EIF3L: variants seen among roughly 807,000 people sequenced by gnomAD.
EIF3L encodes the protein eukaryotic translation initiation factor 3 subunit L, also known as eIEF associated protein HSPC021.
EIF3L carries 32 observed loss-of-function variants against 74.6 expected under a neutral mutation model. The observed-to-expected ratio is 0.43, with a 90% CI of 0.32 to 0.58. EIF3L has a LOEUF of 0.58. EIF3L is among the 20% of genes least tolerant of loss of function. The pLI is 0.06. For missense variants in EIF3L, 474 were observed against 707.8 expected (o/e 0.67, Z 3.75); for synonymous variants, 256 against 254.4 (o/e 1.01, Z -0.06).
chr22:37,855,680 G>A lies in EIF3L; in HGVS notation c.373+36G>A, dbSNP rs138730483. On this transcript the variant is annotated intron_variant, in intron 4 of 12. Transcript: ENST00000652021. Reference sequence around the variant, plus strand: ...GCTCTTTATATCTTGTGCACTGAGTGGAATCCAGTGGCTGAGTCATTAGAC... The same window carrying A: ...GCTCTTTATATCTTGTGCACTGAGTAGAATCCAGTGGCTGAGTCATTAGAC... 8.2e-4 allele frequency: 1,259 copies of A among 1,527,492 alleles called. 6 individuals carry two copies. In the African/African-American group the frequency reaches 0.015, roughly 19 times the overall value. The allele number at this position is 1,527,492 out of a possible 1,614,324, so 94.6% of individuals were successfully genotyped here. A position where few individuals can be genotyped will look rare whatever the true frequency, so the allele number is the denominator to read the frequency against.
intron 2 of EIF3L, chr22:37,850,557 TTG>T (rs1925142483): frequency 4.9e-6 from 1 of 203,226 alleles, no homozygotes; most frequent in Non-Finnish European, 1.1e-5. Context: ...CAGGCTGGTC[TTG>T]AACTCCTGAC....
At chr22:37,862,762 T>A (rs1398399775) in intron 5 of EIF3L, among the ~76,000 whole-genome samples, 1 of 152,222 alleles carries the variant, frequency 6.6e-6, no homozygotes, top group Non-Finnish European at 1.5e-5. Flanking sequence ...GGTCTGTTGC[T>A]GTAGAACCTA....
At chr22:37,870,547 C>T (rs556388080) in intron 8 of EIF3L, among the ~76,000 whole-genome samples, 200 bp downstream of exon 8, 2 of 152,222 alleles carry the variant, frequency 1.3e-5, no homozygotes, top group South Asian at 4.1e-4. Context: ...GTCCATTGGC[C>T]AACAGACTGA....
Position 37,863,308 on chromosome 22 carries a change from A to G in EIF3L, c.542A>G (p.Gln181Arg), listed in dbSNP as rs751540875. The G allele has an allele frequency of 6.2e-7, 1 of 1,614,010 alleles. No homozygotes were observed. The highest frequency in any genetic ancestry group is 1.3e-5 in the African/African-American group (1 of 75,032). Residue 181 changes from glutamine to arginine, a missense_variant, in exon 7 of 13, where the codon CAG becomes CGG. Coordinates refer to ENST00000652021, the MANE Select transcript of EIF3L (RefSeq NM_016091.4). ...DGPAPLELPN[Q>R]WLWDIIDEFI... ...CCTGCTCCCCTTGAACTACCCAACC[A>G]GTGGCTCTGGGATATTATCGATGAG...
At chr22:37,850,818 G>T (rs1279763562) in intron 2 of EIF3L, among the ~76,000 whole-genome samples, 1 of 152,186 alleles carries the variant, frequency 6.6e-6, no homozygotes, top group Non-Finnish European at 1.5e-5. Flanking sequence ...CAGCAGTTCT[G>T]TATGTTAATG....
At chr22:37,849,518 C>T in intron 1 of EIF3L, 36 bp downstream of exon 1, 3 of 1,567,354 alleles carry the variant, frequency 1.9e-6, no homozygotes, top group Non-Finnish European at 2.6e-6. Flanking sequence ...GGCTCCACGA[C>T]GGGGTGATCT....
At chr22:37,852,258 A>G in intron 3 of EIF3L, among the ~76,000 whole-genome samples, 1 of 152,252 alleles carries the variant, frequency 6.6e-6, no homozygotes, top group East Asian at 1.9e-4. Context: ...TACCCTTCAC[A>G]GTAAGCCCAT....
chr22:37,865,521 T>A (rs1447903907), intron 7 of EIF3L, among the ~76,000 whole-genome samples: 1 of 152,220 alleles, frequency 6.6e-6, no homozygotes, highest in East Asian at 1.9e-4. Flanking sequence ...TTCCCCCTTT[T>A]TGTGCTGTCT....
chr22:37,873,810 A>G (rs1405852562), intron 8 of EIF3L, among the ~76,000 whole-genome samples: 1 of 152,092 alleles, frequency 6.6e-6, no homozygotes, highest in African/African-American at 2.4e-5. Context: ...ACATCCTCCC[A>G]TCTCGGCCTC....
rs188964828 is a variant in EIF3L at position 37,850,498 on chromosome 22, A to G, written c.82+435A>G. 2.9e-3 allele frequency: 636 copies of G among 222,224 alleles called. 3 individuals are homozygous for G. Among genetic ancestry groups the G allele is most frequent in the African/African-American group, 0.014 (597 of 42,302 alleles). The allele number at this position is 222,224 out of a possible 1,614,324, so 13.8% of individuals were successfully genotyped here. On this transcript the variant is annotated intron_variant, in intron 2 of 12. Coordinates refer to ENST00000652021, the MANE Select transcript of EIF3L (RefSeq NM_016091.4). ...ATTACAGGCGCCCACCACCATTCCC[A>G]GCTAATTTTTAAATTTTTTTAATAG...
At chr22:37,852,194 A>C (rs1371064307) in intron 3 of EIF3L, among the ~76,000 whole-genome samples, 1 of 152,154 alleles carries the variant, frequency 6.6e-6, no homozygotes, top group Non-Finnish European at 1.5e-5. Flanking sequence ...ATTTGTTTTT[A>C]TTACCAGGAT....
intron 10 of EIF3L, chr22:37,876,212 C>T (rs1175908876): frequency 3.7e-6 from 2 of 541,492 alleles, no homozygotes; most frequent in African/African-American, 1.9e-5. Flanking sequence ...TCACGTCAGC[C>T]TCAACCTCCT....
intron 7 of EIF3L, among the ~76,000 whole-genome samples, chr22:37,863,787 C>A (rs1040123786): frequency 2.6e-5 from 4 of 151,886 alleles, no homozygotes; most frequent in Non-Finnish European, 5.9e-5. Context: ...AGGGTCAGGC[C>A]GGGCGCGGTG....
chr22:37,849,678 G>A, intron 1 of EIF3L, 196 bp downstream of exon 1: 1 of 641,476 alleles, frequency 1.6e-6, no homozygotes, highest in Non-Finnish European at 2.7e-6. Context: ...GTGTTCGATT[G>A]GCTTGTCCTT....
chr22:37,880,635 T>C (rs913109530), intron 11 of EIF3L: 1 of 152,056 alleles, frequency 6.6e-6, no homozygotes, highest in African/African-American at 2.4e-5. Context: ...CGAACTCTGA[T>C]ATGTGCCACT....
chr22:37,857,029 C>T (rs146137162), intron 4 of EIF3L, among the ~76,000 whole-genome samples: 140 of 151,536 alleles, frequency 9.2e-4, no homozygotes, highest in African/African-American at 3.2e-3. Context: ...TGCCTAGAAT[C>T]TGAAGATCAC....
At chr22:37,877,631 T>C (rs1926820993) in intron 10 of EIF3L, 43 bp from the exon 11 acceptor site, 1 of 1,541,874 alleles carries the variant, frequency 6.5e-7, no homozygotes, top group Admixed American at 2.0e-5. Context: ...CCTCAGGAAG[T>C]CCGTCTCATT....
intron 4 of EIF3L, 87 bp downstream of exon 4, chr22:37,855,731 G>C: frequency 8.5e-7 from 1 of 1,177,238 alleles, no homozygotes; most frequent in Non-Finnish European, 1.2e-6. Context: ...GTCTGTGTCT[G>C]TTTTGCTCAC....
chr22:37,855,534 G>C, intron 3 of EIF3L, 31 bp from the exon 4 acceptor site: 1 of 1,602,826 alleles, frequency 6.2e-7, no homozygotes. Context: ...AGTCCTTTTG[G>C]AATTTTAGAG....
Sources: allele counts gnomAD v4.1 joint callset (sites outside exome capture counted in the v4.1 genomes callset), GRCh38; gene constraint gnomAD v4.1.1; transcripts MANE v1.5; gene names NCBI Gene and HGNC (gene_info 2026-07-23, HGNC 2026-07-21).